PNPLA7: variants seen among roughly 807,000 people sequenced by gnomAD.
The protein encoded by PNPLA7 is patatin-like phospholipase domain-containing protein 7.
Under a neutral mutation model 161.7 loss-of-function variants are expected in PNPLA7, and 153 were observed. The ratio of observed to expected loss-of-function variants is 0.95; its 90% CI spans 0.83 to 1.08. PNPLA7 has a LOEUF of 1.08. Ranked by LOEUF, PNPLA7 falls within the 50% of genes least tolerant of loss-of-function variation. The probability of loss-of-function intolerance (pLI) is 0.00; values close to 1 mark genes in which losing one functional copy is unlikely to be tolerated. For missense variants in PNPLA7, 1,739 were observed against 1,856.6 expected (o/e 0.94, Z 1.16); for synonymous variants, 809 against 782.1 (o/e 1.03, Z -0.57).
chr9:137,488,140 G>A (rs74740602), intron 20 of PNPLA7, among the ~76,000 whole-genome samples: 1,598 of 152,346 alleles, frequency 0.01, 32 homozygotes, highest in African/African-American at 0.037. Flanking sequence ...CGCTGCTCTC[G>A]TGGTCTGATG....
chr9:137,484,210 G>A (rs959272073), intron 21 of PNPLA7, among the ~76,000 whole-genome samples: 5 of 152,060 alleles, frequency 3.3e-5, no homozygotes, highest in Non-Finnish European at 5.9e-5. Context: ...GAGCCACCGC[G>A]CCCGACCGCA....
chr9:137,538,180 T>C (rs1021925039), intron 8 of PNPLA7, among the ~76,000 whole-genome samples: 7 of 152,160 alleles, frequency 4.6e-5, no homozygotes, highest in African/African-American at 1.7e-4. Context: ...CAGGTCAGCC[T>C]TGCTCAAAGG....
chr9:137,460,263 A>C lies in PNPLA7; in HGVS notation c.*130T>G. The C allele has an allele frequency of 1.1e-6, 1 of 894,290 alleles. No individual in the cohort carries two copies. Among genetic ancestry groups the C allele is most frequent in the Admixed American group, 2.8e-5 (1 of 36,136 alleles). The allele number at this position is 894,290 out of a possible 1,614,324, so 55.4% of individuals were successfully genotyped here. On this transcript the variant is annotated 3_prime_UTR_variant, in exon 35 of 35. Coordinates refer to ENST00000406427, the MANE Select transcript of PNPLA7 (RefSeq NM_001098537.3). ...GAAGAGGCCCAGAGAACCCTAACAC[A>C]GCCTGGGGCCCCGGGGAAGTCAGGG...
At position 137,515,396 on chromosome 9, in the gene PNPLA7, T is replaced by TC; in HGVS notation, c.1207dup (p.Asp403GlyfsTer15). On this transcript the variant is annotated frameshift_variant, in exon 12 of 35. Transcript: ENST00000406427. LOFTEE classifies it high-confidence loss of function. ...TTCTTTACCTTGTGGGGCCGAAGGG[T>TC]CAGGGTCACCTGCCCCGGGCTTCTC... 1 of 1,604,446 alleles carries TC rather than the reference T, an allele frequency of 6.2e-7. No homozygotes were observed. The highest frequency in any genetic ancestry group is 8.5e-7 in the Non-Finnish European group (1 of 1,176,554).
chr9:137,480,965 C>G lies in PNPLA7; in HGVS notation c.2406G>C (p.Leu802=). 1 of 1,551,546 alleles carries G rather than the reference C, an allele frequency of 6.4e-7. No homozygotes were observed. Residue 802 remains leucine (L), a synonymous_variant, in exon 22 of 35, where the codon CTG becomes CTC. Transcript: ENST00000406427. ...NIKRRLGSAA[L]DSVHEYRLSS... ...TCGGGGCTGGCGGCACGCACCTGTCCAGGGCAGCGGAGCCAAGGCGCCGTT... is the reference window on the plus strand; with the variant it reads ...TCGGGGCTGGCGGCACGCACCTGTCGAGGGCAGCGGAGCCAAGGCGCCGTT...
intron 20 of PNPLA7, among the ~76,000 whole-genome samples, chr9:137,487,560 G>A (rs1045606477): frequency 6.6e-6 from 1 of 152,250 alleles, no homozygotes; most frequent in African/African-American, 2.4e-5. Context: ...AGAGGGAGGC[G>A]CCCACGTCTT....
intron 10 of PNPLA7, 109 bp downstream of exon 10, chr9:137,521,521 AGCTGTT>A: frequency 3.1e-6 from 3 of 963,710 alleles, no homozygotes; most frequent in Non-Finnish European, 4.8e-6. Context: ...GGAAGACCAC[AGCTGTT>A]GCTGGCACTG....
chr9:137,467,405 C>CCT lies in PNPLA7; in HGVS notation c.2949_2950dup (p.Gly984GlufsTer33). ...ACCCACGAAGGCCCCGATGGACGTG[C>CCT]CTCCCACCATGTCCACAGGGATGCC... On this transcript the variant is annotated frameshift_variant, in exon 26 of 35. Transcript: ENST00000406427. LOFTEE classifies it high-confidence loss of function. This position sits in a 1 kb window ranked among gnomAD's most constrained non-coding sequence, Gnocchi z 5.1. The CCT allele has an allele frequency of 6.2e-7, 1 of 1,613,520 alleles. No homozygotes were observed. Among genetic ancestry groups the CCT allele is most frequent in the South Asian group, 1.1e-5 (1 of 91,088 alleles).
rs1049203520 is a variant in PNPLA7, at chr9:137,499,493, G to A, written c.1757+1198C>T. Among the ~76,000 whole-genome samples the A allele has an allele frequency of 2.6e-5, 4 of 152,244 alleles. No individual in the cohort carries two copies. The highest frequency in any genetic ancestry group is 9.6e-5 in the African/African-American group (4 of 41,468). ...GCACTGATGTGGAGCAGCTGGGGAT[G>A]CTCAGGAGGGAGATGGGTCCAGCTC... is the stretch of plus-strand genomic sequence containing the variant. On this transcript the variant is annotated intron_variant, in intron 16 of 34. Transcript: ENST00000406427. The surrounding 1 kb of genome is among the most constrained non-coding windows in gnomAD (Gnocchi z 5.5).
intron 33 of PNPLA7, chr9:137,461,311 G>T: frequency 4.0e-6 from 2 of 506,094 alleles, no homozygotes; most frequent in South Asian, 5.7e-5. Flanking sequence ...TGAGGTGAAT[G>T]AAGGGCAGGG....
chr9:137,478,381 G>A (rs1249723854), intron 24 of PNPLA7: 8 of 384,446 alleles, frequency 2.1e-5, no homozygotes, highest in Non-Finnish European at 3.2e-5. Context: ...CAGAGGGTAC[G>A]TGGGCAAGAG....
At chr9:137,511,795 G>A (rs1256056421) in intron 12 of PNPLA7, among the ~76,000 whole-genome samples, 1 of 152,224 alleles carries the variant, frequency 6.6e-6, no homozygotes, top group East Asian at 1.9e-4. Context: ...GATAGCAGTA[G>A]CAGAATTAGC....
intron 11 of PNPLA7, among the ~76,000 whole-genome samples, chr9:137,515,786 C>T (rs1834509000): frequency 8.1e-6 from 1 of 123,900 alleles, no homozygotes; most frequent in Non-Finnish European, 1.7e-5. Flanking sequence ...CTCCCCACCC[C>T]ATCCCCCTTC....
intron 21 of PNPLA7, among the ~76,000 whole-genome samples, chr9:137,483,233 C>T (rs974165843): frequency 3.9e-5 from 6 of 152,006 alleles, no homozygotes; most frequent in African/African-American, 1.2e-4. Context: ...CCGCACAACT[C>T]GAAGATGTTT....
rs1414509019 is a variant in PNPLA7, at chr9:137,490,285, C to A, written c.2197+2728G>T. Among the ~76,000 whole-genome samples, 1 of 152,150 alleles carries A rather than the reference C, an allele frequency of 6.6e-6. No individual in the cohort carries two copies. The highest frequency in any genetic ancestry group is 1.5e-5 in the Non-Finnish European group (1 of 68,028). On this transcript the variant is annotated intron_variant, in intron 20 of 34. Transcript: ENST00000406427. This position sits in a 1 kb window ranked among gnomAD's most constrained non-coding sequence, Gnocchi z 4.1. The stretch of plus-strand genomic sequence containing the variant: ...ATTTTTCAAATTTTATTCATAGAGA[C>A]AGGGTCTCACTATGTTGCCCGGGCT...
Position 137,463,267 on chromosome 9 carries a change from C to G in PNPLA7, c.3343+148G>C, listed in dbSNP as rs192605811. The G allele has an allele frequency of 1.8e-4, 130 of 724,256 alleles. 2 individuals carry two copies. In the Admixed American group the frequency reaches 2.9e-3, roughly 16 times the overall value. The allele number at this position is 724,256 out of a possible 1,614,324, so 44.9% of individuals were successfully genotyped here. ...TGTGCATGTTCTCGGAGCTCTGATG[C>G]CAGCCTGACATTTTCCCTTGGCATA... On this transcript the variant is annotated intron_variant, in intron 29 of 34. Transcript: ENST00000406427.
At chr9:137,461,867 G>T in intron 32 of PNPLA7, 64 bp downstream of exon 32, 1 of 1,461,116 alleles carries the variant, frequency 6.8e-7, no homozygotes. Flanking sequence ...ACTGGGCGTG[G>T]GCGTGGCCCG....
At chr9:137,477,024 G>A (rs777022284) in intron 25 of PNPLA7, among the ~76,000 whole-genome samples, 51 of 152,230 alleles carry the variant, frequency 3.4e-4, no homozygotes, top group Non-Finnish European at 6.0e-4. Context: ...TAGCAGTGCT[G>A]GCACTCCGTG....
intron 26 of PNPLA7, 137 bp from the exon 27 acceptor site, chr9:137,464,593 G>A: frequency 1.2e-6 from 1 of 802,914 alleles, no homozygotes; most frequent in Non-Finnish European, 2.1e-6. Flanking sequence ...ACGGTCCTGA[G>A]GCTTGGCGCC....
Sources: allele counts gnomAD v4.1 joint callset (sites outside exome capture counted in the v4.1 genomes callset), GRCh38; gene constraint gnomAD v4.1.1; non-coding constraint Gnocchi (gnomAD v3.1); transcripts MANE v1.5; gene names NCBI Gene and HGNC (gene_info 2026-07-23, HGNC 2026-07-21).